The following RBMS1 variants were observed in gnomAD, a reference collection of about 807,000 sequenced individuals.
The protein encoded by RBMS1 is RNA binding motif single stranded interacting protein 1, also known as RNA-binding motif, single-stranded-interacting protein 1.
A neutral mutation model predicts 62.3 loss-of-function variants in RBMS1; 17 were observed. That is an observed-to-expected ratio of 0.27 (90% CI 0.19 to 0.41). RBMS1 has a LOEUF of 0.41. Ranked by LOEUF, RBMS1 falls within the 10% of genes least tolerant of loss-of-function variation. The pLI is 1.00. For synonymous variants in RBMS1, 172 were observed against 170.0 expected (o/e 1.01, Z -0.09); for missense variants, 334 against 504.5 (o/e 0.66, Z 3.24).
At chr2:160,287,568 T>C (rs77704424) in intron 6 of RBMS1, among the ~76,000 whole-genome samples, 10,704 of 152,344 alleles carry the variant, frequency 0.07, 529 homozygotes, top group Non-Finnish European at 0.11. Context: ...ATTCACAATT[T>C]GTAACAATTG....
intron 1 of RBMS1, among the ~76,000 whole-genome samples, chr2:160,449,173 C>T (rs1030964631): frequency 1.7e-4 from 26 of 151,552 alleles, no homozygotes; most frequent in Admixed American, 1.7e-3. Flanking sequence ...AGCGTCTCCG[C>T]CGGGCAGCCG....
chr2:160,308,844 A>C (rs1036755554), intron 4 of RBMS1, among the ~76,000 whole-genome samples: 1 of 152,222 alleles, frequency 6.6e-6, no homozygotes, highest in African/African-American at 2.4e-5. Context: ...TATAGTGCCA[A>C]TATATACCCA....
At chr2:160,484,087 C>G (rs1047614478) in intron 1 of RBMS1, among the ~76,000 whole-genome samples, 2 of 151,522 alleles carry the variant, frequency 1.3e-5, no homozygotes, top group Non-Finnish European at 2.9e-5. Flanking sequence ...AATCCTCCCC[C>G]ATCGGCCTCC....
chr2:160,360,118 G>A (rs1184758710), intron 2 of RBMS1, among the ~76,000 whole-genome samples: 2 of 152,086 alleles, frequency 1.3e-5, no homozygotes, highest in African/African-American at 4.8e-5. Flanking sequence ...CAACAAACTA[G>A]CTAGTGGTTT....
In RBMS1 at chr2:160,385,355, A is replaced by G. The variant is rs1694513628; in HGVS notation, c.76-17964T>C. ...CAGGGGCTTGGAGGCTTCTTTGCAC[A>G]GCCTCATAAAAAAATAAATAAATAA... On this transcript the variant is annotated intron_variant, in intron 1 of 13. Transcript: ENST00000348849. 3.3e-5 allele frequency among the ~76,000 whole-genome samples: 5 copies of G among 152,164 alleles called. 1 individual carries two copies. Among genetic ancestry groups the G allele is most frequent in the Admixed American group, 3.3e-4 (5 of 15,274 alleles).
At chr2:160,379,596 G>C (rs1032287886) in intron 1 of RBMS1, among the ~76,000 whole-genome samples, 1 of 152,170 alleles carries the variant, frequency 6.6e-6, no homozygotes, top group Non-Finnish European at 1.5e-5. Flanking sequence ...GTGGTAAGCA[G>C]GATCTGGGAA....
intron 2 of RBMS1, among the ~76,000 whole-genome samples, chr2:160,341,275 A>G (rs1304919635): frequency 4.6e-5 from 7 of 152,170 alleles, no homozygotes; most frequent in South Asian, 2.1e-4. Flanking sequence ...GAGTATTTAT[A>G]TTGTTTCCAA....
intron 2 of RBMS1, among the ~76,000 whole-genome samples, chr2:160,344,770 T>C (rs747009087): frequency 4.6e-5 from 7 of 152,042 alleles, no homozygotes; most frequent in African/African-American, 9.7e-5. Flanking sequence ...CCATGAGCTA[T>C]GGGGGGCTCT....
intron 10 of RBMS1, among the ~76,000 whole-genome samples, chr2:160,280,665 A>G (rs1559310757): frequency 6.6e-6 from 1 of 152,208 alleles, no homozygotes; most frequent in Non-Finnish European, 1.5e-5. Context: ...GTGAGCATGC[A>G]GGGTCATTGT....
chr2:160,335,194 C>T (rs1691499861), intron 2 of RBMS1, among the ~76,000 whole-genome samples: 1 of 152,062 alleles, frequency 6.6e-6, no homozygotes, highest in South Asian at 2.1e-4. Flanking sequence ...ATGCATAAAA[C>T]ATCATTTAGG....
intron 5 of RBMS1, among the ~76,000 whole-genome samples, chr2:160,301,348 A>G (rs1204764461): frequency 6.6e-6 from 1 of 152,230 alleles, no homozygotes; most frequent in East Asian, 1.9e-4. Context: ...TAGGTGGCTG[A>G]AAGTATCTGA....
intron 1 of RBMS1, among the ~76,000 whole-genome samples, chr2:160,479,450 A>C (rs1371372535): frequency 6.6e-6 from 1 of 152,244 alleles, no homozygotes; most frequent in Non-Finnish European, 1.5e-5. Context: ...AGGTGACCTC[A>C]GACAGAGTGA....
intron 1 of RBMS1, chr2:160,401,847 G>A (rs989108433): frequency 2.6e-5 from 4 of 152,130 alleles, no homozygotes; most frequent in East Asian, 1.9e-4. Flanking sequence ...TTCTGCTATC[G>A]AGGGCATAAA....
intron 1 of RBMS1, chr2:160,493,023 G>C (rs1182719386): frequency 1.7e-5 from 7 of 406,102 alleles, no homozygotes; most frequent in South Asian, 4.5e-5. Flanking sequence ...CCGCTGGCCG[G>C]GCCAGGAAGG....
intron 6 of RBMS1, among the ~76,000 whole-genome samples, chr2:160,299,148 A>T (rs1341998795): frequency 6.6e-6 from 1 of 151,422 alleles, no homozygotes; most frequent in African/African-American, 2.4e-5. Flanking sequence ...TTTCAACCAC[A>T]CACCAGGGAA....
intron 1 of RBMS1, among the ~76,000 whole-genome samples, chr2:160,396,887 C>A (rs1388383262): frequency 6.6e-6 from 1 of 152,136 alleles, no homozygotes; most frequent in Non-Finnish European, 1.5e-5. Context: ...CCTGCGCATG[C>A]ACGTGGCACT....
intron 1 of RBMS1, among the ~76,000 whole-genome samples, chr2:160,426,431 C>T (rs745824052): frequency 2.0e-5 from 3 of 152,062 alleles, no homozygotes; most frequent in Non-Finnish European, 4.4e-5. Flanking sequence ...AAAGGAATGG[C>T]AAGATACATG....
intron 2 of RBMS1, among the ~76,000 whole-genome samples, chr2:160,358,804 G>T (rs1692952495): frequency 6.6e-6 from 1 of 151,614 alleles, no homozygotes; most frequent in African/African-American, 2.4e-5. Flanking sequence ...ATTTTTAAAG[G>T]ACACACTTAA....
chr2:160,320,195 T>TG (rs1325776170), intron 2 of RBMS1, among the ~76,000 whole-genome samples: 4 of 152,182 alleles, frequency 2.6e-5, no homozygotes, highest in African/African-American at 9.7e-5. Flanking sequence ...CAGCTGAGCA[T>TG]GGTGGCTCAT....
Sources: allele counts gnomAD v4.1 joint callset (sites outside exome capture counted in the v4.1 genomes callset), GRCh38; gene constraint gnomAD v4.1.1; transcripts MANE v1.5; gene names NCBI Gene and HGNC (gene_info 2026-07-23, HGNC 2026-07-21).